Variants in GRIA3 observed in about 807,000 individuals in gnomAD.
GRIA3 encodes glutamate ionotropic receptor AMPA type subunit 3.
A neutral mutation model predicts 63.0 loss-of-function variants in GRIA3; 3 were observed. The ratio of observed to expected loss-of-function variants is 0.05; its 90% CI spans 0.02 to 0.12. The LOEUF (loss-of-function observed/expected upper bound fraction) is 0.12. GRIA3 is among the 10% of genes least tolerant of loss of function. The pLI, the probability that GRIA3 is intolerant of heterozygous loss-of-function variation, is 1.00. For missense variants in GRIA3, 347 were observed against 700.9 expected, an observed-to-expected ratio of 0.50 and a Z score of 5.70; for synonymous variants, 274 against 257.9, an observed-to-expected ratio of 1.06 and a Z score of -0.60.
intron 3 of GRIA3, among the ~76,000 whole-genome samples, chrX:123,318,140 G>GT (rs2044844288): frequency 8.9e-6 from 1 of 112,180 alleles, no homozygotes; most frequent in Non-Finnish European, 1.9e-5. Context: ...AAGGCACCAA[G>GT]TCCCTGGGCT....
At chrX:123,302,362 T>C (rs1035159802) in intron 3 of GRIA3, among the ~76,000 whole-genome samples, 7 of 111,938 alleles carry the variant, frequency 6.3e-5, no homozygotes, top group African/African-American at 2.3e-4. Context: ...TCTCTACATG[T>C]CTTTCCAATT....
chrX:123,367,441 T>TG (rs1175824841), intron 5 of GRIA3, among the ~76,000 whole-genome samples: 24 of 108,191 alleles, frequency 2.2e-4, no homozygotes, highest in Non-Finnish European at 4.2e-4. Context: ...TTGTTTTTTG[T>TG]TTTTTGTTTT....
At chrX:123,271,172 A>G (rs1260047091) in intron 3 of GRIA3, among the ~76,000 whole-genome samples, 2 of 112,318 alleles carry the variant, frequency 1.8e-5, no homozygotes, top group Admixed American at 1.9e-4. Flanking sequence ...AAATTAGAGA[A>G]GATTTCCATA....
intron 2 of GRIA3, 33 bp downstream of exon 2, chrX:123,186,023 G>C (rs767671496): frequency 1.8e-6 from 2 of 1,139,651 alleles, no homozygotes; most frequent in Admixed American, 4.4e-5. Context: ...CCTTTGGGAC[G>C]TTGGGGACCT....
At chrX:123,375,148 G>T (rs1468841264) in intron 5 of GRIA3, among the ~76,000 whole-genome samples, 1 of 111,514 alleles carries the variant, frequency 9.0e-6, no homozygotes, top group Non-Finnish European at 1.9e-5. Flanking sequence ...ATCATGAAGG[G>T]ATGTTGAACT....
intron 3 of GRIA3, among the ~76,000 whole-genome samples, chrX:123,273,532 C>G (rs1433073458): frequency 8.9e-6 from 1 of 111,886 alleles, no homozygotes; most frequent in East Asian, 2.8e-4. Context: ...AGGTCTGACT[C>G]TAAGATCTGG....
chrX:123,356,940 C>A, intron 5 of GRIA3, among the ~76,000 whole-genome samples: 1 of 111,269 alleles, frequency 9.0e-6, no homozygotes, highest in Non-Finnish European at 1.9e-5. Flanking sequence ...GGGAGTAATA[C>A]CTGTGAAAGA....
At chrX:123,363,692 G>A (rs1198696148) in intron 5 of GRIA3, among the ~76,000 whole-genome samples, 2 of 112,456 alleles carry the variant, frequency 1.8e-5, no homozygotes, top group Non-Finnish European at 3.8e-5. Context: ...GCATTCAGAT[G>A]TGAGCAAACA....
intron 5 of GRIA3, among the ~76,000 whole-genome samples, chrX:123,375,421 G>A (rs1456780338): frequency 9.0e-6 from 1 of 111,505 alleles, no homozygotes; most frequent in East Asian, 2.8e-4. Context: ...TCTTTATTGG[G>A]TTTTGGTATC....
chrX:123,426,107 T>C (rs2045588342), intron 11 of GRIA3, among the ~76,000 whole-genome samples: 1 of 111,555 alleles, frequency 9.0e-6, no homozygotes, highest in Non-Finnish European at 1.9e-5. Flanking sequence ...TTCTTGACTT[T>C]ATGACAGAGT....
At chrX:123,223,722 A>G (rs755180094) in intron 2 of GRIA3, among the ~76,000 whole-genome samples, 3 of 111,696 alleles carry the variant, frequency 2.7e-5, no homozygotes, top group Non-Finnish European at 5.6e-5. Context: ...GGGGCAGGAT[A>G]AGGGTGGAAG....
At chrX:123,454,662 C>T (rs184127485) in intron 12 of GRIA3, among the ~76,000 whole-genome samples, 2 of 111,210 alleles carry the variant, frequency 1.8e-5, no homozygotes, top group African/African-American at 6.6e-5. Flanking sequence ...AAGTTGTTGC[C>T]AAACGTCTCC....
At position 123,351,330 on chromosome X, in the gene GRIA3, G is replaced by C. The variant is rs539100169; in HGVS notation, c.697-3580G>C. ...AGCCCTGTACCAAAAATTCAAAAAA[G>C]GGAAAGATCAAGAGCAAAACATGAC... On this transcript the variant is annotated intron_variant, in intron 4 of 15. Coordinates refer to ENST00000620443, the MANE Select transcript of GRIA3 (RefSeq NM_007325.5). 3.6e-5 allele frequency among the ~76,000 whole-genome samples: 4 copies of C among 111,667 alleles called. No homozygotes were observed. The South Asian group carries it at 1.5e-3, about 42-fold the overall frequency.
chrX:123,460,057 C>A (rs2045784242), intron 12 of GRIA3, among the ~76,000 whole-genome samples: 1 of 111,780 alleles, frequency 8.9e-6, no homozygotes, highest in African/African-American at 3.2e-5. Context: ...TTAATATCTG[C>A]CACATGTACA....
rs34908704 is a variant in GRIA3 at position 123,332,170 on chromosome X, GT to G, written c.696+5967del. Among the ~76,000 whole-genome samples, 474 of 106,089 alleles carry G rather than the reference GT, an allele frequency of 4.5e-3. 1 individual carries two copies. The highest frequency in any genetic ancestry group is 0.013 in the African/African-American group (372 of 29,326). 92.1% of individuals were successfully genotyped at this position (106,089 alleles called of 115,157 possible). A position where few individuals can be genotyped will look rare whatever the true frequency, so the allele number is the denominator to read the frequency against. On this transcript the variant is annotated intron_variant, in intron 4 of 15. Coordinates refer to ENST00000620443, the MANE Select transcript of GRIA3 (RefSeq NM_007325.5). ...TTTAGCATGTTAGAAAACCTCTCTG[GT>G]TTTTTTTTTCCTGTGATATAACACT...
intron 12 of GRIA3, among the ~76,000 whole-genome samples, chrX:123,444,994 C>G (rs2045695781): frequency 9.0e-6 from 1 of 111,269 alleles, no homozygotes; most frequent in Non-Finnish European, 1.9e-5. Context: ...GAAATGTTTT[C>G]CAGCCCAGAG....
intron 3 of GRIA3, among the ~76,000 whole-genome samples, chrX:123,286,725 A>T (rs2044622239): frequency 8.9e-6 from 1 of 111,813 alleles, no homozygotes; most frequent in African/African-American, 3.3e-5. Context: ...AAAAAGTCGA[A>T]TCCCTGAATA....
intron 3 of GRIA3, among the ~76,000 whole-genome samples, chrX:123,322,469 AG>A (rs2044874556): frequency 8.9e-6 from 1 of 111,831 alleles, no homozygotes; most frequent in Non-Finnish European, 1.9e-5. Context: ...CTAAAACAGC[AG>A]GCTTATTTTT....
chrX:123,463,623 A>AG (rs1179467263), intron 12 of GRIA3, among the ~76,000 whole-genome samples: 7 of 26,528 alleles, frequency 2.6e-4, no homozygotes, highest in African/African-American at 2.0e-3. Flanking sequence ...AAAGAAAGAA[A>AG]GAAAGAAAGA....
Sources: gnomAD v4.1 joint callset for allele counts (sites outside exome capture counted in the v4.1 genomes callset) on GRCh38, gnomAD v4.1.1 for gene constraint, MANE v1.5 for transcripts, NCBI Gene and HGNC (gene_info 2026-07-23, HGNC 2026-07-21) for gene names.